CELF2: variants seen among roughly 807,000 people sequenced by gnomAD.
The protein encoded by CELF2 is CUG triplet repeat RNA-binding protein 2.
In CELF2, 8 loss-of-function variants were observed where a neutral mutation model predicts 62.6. The ratio of observed to expected loss-of-function variants is 0.13; its 90% confidence interval spans 0.07 to 0.23. The LOEUF (loss-of-function observed/expected upper bound fraction) is 0.23. Ranked by LOEUF, CELF2 falls within the 10% of genes least tolerant of loss-of-function variation. The pLI, the probability that CELF2 is intolerant of heterozygous loss-of-function variation, is 1.00. For synonymous variants in CELF2, 258 were observed against 250.0 expected (o/e 1.03, Z -0.30); for missense variants, 333 against 671.0 (o/e 0.50, Z 5.56).
intron 1 of CELF2, among the ~76,000 whole-genome samples, chr10:11,067,282 A>G (rs978988380): frequency 6.6e-6 from 1 of 152,256 alleles, no homozygotes; most frequent in African/African-American, 2.4e-5. Flanking sequence ...ACGTTAAGTC[A>G]TGATATTTTA....
In CELF2 at chr10:10,908,403, G is replaced by A. The variant is rs530226421; in HGVS notation, c.54-11561G>A. Among the ~76,000 whole-genome samples the A allele has an allele frequency of 5.4e-3, 811 of 151,554 alleles. 14 individuals are homozygous for A. The highest frequency in any genetic ancestry group is 0.019 in the African/African-American group (780 of 41,242). ...CCCGGCTAATTTTTTTGTATTTTTA[G>A]TAGAGACGGGGTTTCACTGTGTTAT... On this transcript the variant is annotated intron_variant, in intron 1 of 13. Transcript: ENST00000636488.
chr10:11,239,583 ACAT>A (rs1333993124), intron 3 of CELF2, among the ~76,000 whole-genome samples: 3 of 152,272 alleles, frequency 2.0e-5, no homozygotes, highest in Non-Finnish European at 4.4e-5. Flanking sequence ...TGTGTCACAC[ACAT>A]CATGGCTATC....
chr10:10,560,769 C>T, the CELF2 span, among the ~76,000 whole-genome samples: 1 of 152,136 alleles, frequency 6.6e-6, no homozygotes, highest in East Asian at 1.9e-4. Flanking sequence ...GTGGAACCAA[C>T]CCAAATGCCC....
In CELF2 at chr10:11,100,127, C is replaced by T. The variant is rs574646914; in HGVS notation, c.75-65359C>T. Among the ~76,000 whole-genome samples, 32 of 152,108 alleles carry T rather than the reference C, an allele frequency of 2.1e-4. No individual in the cohort carries two copies. The East Asian group carries it at 5.4e-3, about 26-fold the overall frequency. On this transcript the variant is annotated intron_variant, in intron 1 of 12. Coordinates refer to ENST00000633077, the MANE Select transcript of CELF2 (RefSeq NM_001326342.2). ...GCTGAGGCAGAAGAATCACTTGGAC[C>T]CAGGAGGCAGAGGTTGCAGTGAGCG...
chr10:10,756,948 C>T, the CELF2 span, among the ~76,000 whole-genome samples: 1 of 151,778 alleles, frequency 6.6e-6, no homozygotes, highest in Non-Finnish European at 1.5e-5. Flanking sequence ...TCAAGAACAG[C>T]CTGGCCAATA....
chr10:10,829,033 G>T (rs1445181499), intron 1 of CELF2, among the ~76,000 whole-genome samples: 2 of 152,122 alleles, frequency 1.3e-5, no homozygotes, highest in African/African-American at 4.8e-5. Flanking sequence ...AAATGGAAAA[G>T]AAAAATATGT....
At chr10:10,782,902 A>G in the CELF2 span, among the ~76,000 whole-genome samples, 2 of 152,214 alleles carry the variant, frequency 1.3e-5, no homozygotes, top group Non-Finnish European at 2.9e-5. Context: ...ACTAAAGTTC[A>G]GCCGTAGACC....
chr10:10,528,791 A>G, the CELF2 span, among the ~76,000 whole-genome samples: 1 of 152,228 alleles, frequency 6.6e-6, no homozygotes, highest in Non-Finnish European at 1.5e-5. Context: ...GAAGGGACTT[A>G]AAGAAAAAAG....
chr10:10,975,253 G>A (rs201088), intron 2 of CELF2, among the ~76,000 whole-genome samples: 12,037 of 152,124 alleles, frequency 0.079, 1,623 homozygotes, highest in African/African-American at 0.27. Context: ...GAGTAGCTGG[G>A]ACCACAGACA....
chr10:11,066,887 C>T (rs1360092760), intron 1 of CELF2, among the ~76,000 whole-genome samples: 2 of 152,162 alleles, frequency 1.3e-5, no homozygotes, highest in Non-Finnish European at 2.9e-5. Flanking sequence ...TCCTCCCTTC[C>T]CCCTGAGACC....
intron 2 of CELF2, among the ~76,000 whole-genome samples, chr10:11,176,103 T>G (rs2070990203): frequency 6.6e-6 from 1 of 152,198 alleles, no homozygotes; most frequent in Admixed American, 6.5e-5. Context: ...GAGAGAACAT[T>G]AGAGGAACCA....
intron 1 of CELF2, among the ~76,000 whole-genome samples, chr10:10,882,327 C>G (rs2061490915): frequency 6.6e-6 from 1 of 152,238 alleles, no homozygotes; most frequent in Non-Finnish European, 1.5e-5. Context: ...GTGGCCTCCT[C>G]TGGCTGAAAT....
chr10:10,673,335 G>A, the CELF2 span, among the ~76,000 whole-genome samples: 1 of 152,016 alleles, frequency 6.6e-6, no homozygotes, highest in Non-Finnish European at 1.5e-5. Flanking sequence ...GTGGTGACAG[G>A]GAACATCCTT....
the CELF2 span, among the ~76,000 whole-genome samples, chr10:10,677,708 A>C: frequency 6.6e-6 from 1 of 152,160 alleles, no homozygotes. Context: ...CTTTGCTTGG[A>C]AGCAGCCTCA....
intron 2 of CELF2, among the ~76,000 whole-genome samples, chr10:10,971,364 C>A (rs565375461): frequency 6.6e-6 from 1 of 152,202 alleles, no homozygotes; most frequent in Admixed American, 6.5e-5. Context: ...ACCTCAACCC[C>A]CCTCACCTTA....
At chr10:11,099,900 A>AC (rs1564736504) in intron 1 of CELF2, among the ~76,000 whole-genome samples, 1 of 149,920 alleles carries the variant, frequency 6.7e-6, no homozygotes, top group East Asian at 1.9e-4. Flanking sequence ...AAAAAAAAAA[A>AC]AACAGAAAAA....
intron 3 of CELF2, among the ~76,000 whole-genome samples, chr10:11,245,045 C>T (rs2075200086): frequency 6.6e-6 from 1 of 152,218 alleles, no homozygotes; most frequent in Admixed American, 6.5e-5. Context: ...TCATCCTCCT[C>T]TTCCCAGCAT....
the CELF2 span, among the ~76,000 whole-genome samples, chr10:10,682,476 G>T: frequency 6.6e-6 from 1 of 152,236 alleles, no homozygotes; most frequent in Non-Finnish European, 1.5e-5. Flanking sequence ...CTACACAAAG[G>T]AGTGATCCGG....
At chr10:11,041,910 T>A (rs1427792558) in intron 1 of CELF2, among the ~76,000 whole-genome samples, 4 of 152,238 alleles carry the variant, frequency 2.6e-5, no homozygotes, top group Admixed American at 1.3e-4. Context: ...TACTTCTTTC[T>A]AGATTACTGT....
Sources: allele counts gnomAD v4.1 joint callset (sites outside exome capture counted in the v4.1 genomes callset), GRCh38; gene constraint gnomAD v4.1.1; transcripts MANE v1.5; gene names NCBI Gene and HGNC (gene_info 2026-07-23, HGNC 2026-07-21).